The following RPRD2 variants were observed in gnomAD, a reference collection of about 807,000 sequenced individuals.
RPRD2 encodes regulation of nuclear pre-mRNA domain-containing protein 2.
Under a neutral mutation model 104.4 loss-of-function variants are expected in RPRD2, and 12 were observed. The observed-to-expected ratio is 0.11, with a 90% confidence interval of 0.07 to 0.19. The LOEUF is 0.19. RPRD2 is among the 10% of genes least tolerant of loss of function. RPRD2 has a pLI of 1.00. For missense variants in RPRD2, 1,543 were observed against 1,790.1 expected (o/e 0.86, Z 2.49); for synonymous variants, 714 against 684.9 (o/e 1.04, Z -0.66).
intron 2 of RPRD2, among the ~76,000 whole-genome samples, chr1:150,426,966 G>A (rs1216376848): frequency 1.3e-5 from 2 of 151,778 alleles, no homozygotes; most frequent in Non-Finnish European, 2.9e-5. Context: ...CCAACATAGT[G>A]AAACCCTGTC....
intron 10 of RPRD2, among the ~76,000 whole-genome samples, chr1:150,468,564 G>C (rs1668424335): frequency 1.3e-5 from 2 of 151,724 alleles, no homozygotes; most frequent in African/African-American, 4.8e-5. Flanking sequence ...TCTGGGTTTT[G>C]TGAGAACAGT....
chr1:150,408,195 C>T (rs1364834881), intron 1 of RPRD2, among the ~76,000 whole-genome samples: 2 of 115,368 alleles, frequency 1.7e-5, no homozygotes, highest in Admixed American at 1.1e-4. Context: ...GACAGAGTCT[C>T]ACTCTGTCGT....
intron 1 of RPRD2, among the ~76,000 whole-genome samples, chr1:150,367,638 G>A (rs587605490): frequency 1.2e-3 from 179 of 151,776 alleles, no homozygotes; most frequent in African/African-American, 4.1e-3. Flanking sequence ...AGTGTGTAAT[G>A]AGACTTTTGT....
intron 1 of RPRD2, among the ~76,000 whole-genome samples, chr1:150,398,279 C>G (rs943827772): frequency 1.3e-5 from 2 of 151,938 alleles, no homozygotes; most frequent in Admixed American, 6.6e-5. Flanking sequence ...TCACTGCAAG[C>G]TCTGCCTCCC....
intron 1 of RPRD2, among the ~76,000 whole-genome samples, chr1:150,375,202 T>C (rs1018629445): frequency 5.3e-5 from 8 of 152,210 alleles, no homozygotes; most frequent in Admixed American, 1.3e-4. Context: ...TTTTAGCTGC[T>C]TAGTCTCTTA....
intron 1 of RPRD2, among the ~76,000 whole-genome samples, chr1:150,382,147 T>C (rs782388574): frequency 2.0e-5 from 3 of 152,306 alleles, no homozygotes; most frequent in Non-Finnish European, 4.4e-5. Flanking sequence ...TTCTTCCGAT[T>C]AATCCTGCGT....
intron 2 of RPRD2, among the ~76,000 whole-genome samples, chr1:150,421,325 G>T (rs1451490691): frequency 1.3e-5 from 2 of 152,066 alleles, no homozygotes; most frequent in Admixed American, 6.6e-5. Context: ...AAGTATGTGA[G>T]GCTTTTATAA....
intron 1 of RPRD2, among the ~76,000 whole-genome samples, chr1:150,388,320 G>GTA (rs782119967): frequency 4.1e-5 from 6 of 144,792 alleles, no homozygotes; most frequent in Non-Finnish European, 9.3e-5. Context: ...GTGTATATAT[G>GTA]TATGTGTATA....
intron 1 of RPRD2, among the ~76,000 whole-genome samples, chr1:150,407,916 T>G (rs34696422): frequency 0.085 from 12,956 of 151,808 alleles, 675 homozygotes; most frequent in African/African-American, 0.11. Context: ...ATGGGTTTTT[T>G]TGTGTGTGTG....
rs367784237 is a variant in RPRD2 at position 150,464,305 on chromosome 1, G to A, written c.1412-222G>A. 1.1e-4 allele frequency among the ~76,000 whole-genome samples: 16 copies of A among 151,516 alleles called. 1 individual carries two copies. Among genetic ancestry groups the A allele is most frequent in the South Asian group, 4.2e-4 (2 of 4,810 alleles). On this transcript the variant is annotated intron_variant, in intron 9 of 10. Transcript: ENST00000369068. ...ATTACAGGTGTGAGCCACCTCGCCCGGCCAATACTTGTTTGTTTTAATGGT... is the reference window on the plus strand; with the variant it reads ...ATTACAGGTGTGAGCCACCTCGCCCAGCCAATACTTGTTTGTTTTAATGGT...
At chr1:150,411,186 G>T (rs782075056) in intron 1 of RPRD2, among the ~76,000 whole-genome samples, 5 of 152,144 alleles carry the variant, frequency 3.3e-5, no homozygotes, top group Non-Finnish European at 7.3e-5. Context: ...TAGGCGGGGC[G>T]CAGTGGCTCA....
At chr1:150,443,371 G>A in intron 5 of RPRD2, 88 bp downstream of exon 5, 5 of 944,204 alleles carry the variant, frequency 5.3e-6, no homozygotes, top group East Asian at 2.7e-5. Context: ...AGATTTATCT[G>A]TATTCAATTA....
At chr1:150,458,074 G>A (rs1365917124) in intron 8 of RPRD2, among the ~76,000 whole-genome samples, 1 of 151,942 alleles carries the variant, frequency 6.6e-6, no homozygotes, top group African/African-American at 2.4e-5. Flanking sequence ...GTCTTGGGGG[G>A]ACGGTCGGGG....
At chr1:150,436,738 C>T (rs1553893206) in intron 2 of RPRD2, among the ~76,000 whole-genome samples, 1 of 151,722 alleles carries the variant, frequency 6.6e-6, no homozygotes, top group African/African-American at 2.4e-5. Flanking sequence ...GAAACCCCGT[C>T]TCTACTAAAA....
At chr1:150,448,638 T>C (rs1666957142) in intron 7 of RPRD2, among the ~76,000 whole-genome samples, 1 of 152,262 alleles carries the variant, frequency 6.6e-6, no homozygotes, top group Non-Finnish European at 1.5e-5. Context: ...ACTATAGTTG[T>C]ACTAGAAGTT....
intron 7 of RPRD2, among the ~76,000 whole-genome samples, chr1:150,450,315 T>G (rs956704913): frequency 6.8e-4 from 103 of 152,020 alleles, no homozygotes; most frequent in Non-Finnish European, 2.1e-4. Flanking sequence ...ATGTATGTAT[T>G]TATTTATTTA....
intron 1 of RPRD2, among the ~76,000 whole-genome samples, chr1:150,365,645 A>G (rs1416879127): frequency 2.0e-5 from 3 of 152,038 alleles, no homozygotes; most frequent in African/African-American, 7.3e-5. Flanking sequence ...GCTGGAGTGC[A>G]GTGGCGCGAT....
At chr1:150,443,324 A>G in intron 5 of RPRD2, 41 bp downstream of exon 5, 5 of 1,344,846 alleles carry the variant, frequency 3.7e-6, no homozygotes, top group Non-Finnish European at 3.1e-6. Flanking sequence ...AGTATTATTC[A>G]CCCCTTTTGT....
intron 2 of RPRD2, among the ~76,000 whole-genome samples, chr1:150,426,810 A>G (rs1261889441): frequency 6.6e-6 from 1 of 152,192 alleles, no homozygotes; most frequent in Non-Finnish European, 1.5e-5. Context: ...TGATGGTTGC[A>G]CAATACGAAT....
Sources: allele counts gnomAD v4.1 joint callset (sites outside exome capture counted in the v4.1 genomes callset), GRCh38; gene constraint gnomAD v4.1.1; transcripts MANE v1.5; gene names NCBI Gene and HGNC (gene_info 2026-07-23, HGNC 2026-07-21).